The following LGSN variants were observed in gnomAD, a reference collection of about 807,000 sequenced individuals.
LGSN encodes lengsin, lens protein with glutamine synthetase domain, also known as lengsin.
A neutral mutation model predicts 19.5 loss-of-function variants in LGSN; 21 were observed. That is an observed-to-expected ratio of 1.07 (90% CI 0.76 to 1.55). The LOEUF (loss-of-function observed/expected upper bound fraction) is 1.55, where lower values mean the gene tolerates loss of function less well. Among genes scored for constraint, LGSN ranks in the 40% most tolerant of loss-of-function variants. The probability of loss-of-function intolerance (pLI) is 0.00; values close to 1 mark genes in which losing one functional copy is unlikely to be tolerated. For synonymous variants in LGSN, 257 were observed against 215.6 expected (o/e 1.19, Z -1.68); for missense variants, 673 against 608.5 (o/e 1.11, Z -1.12).
the LGSN span, among the ~76,000 whole-genome samples, chr6:63,339,271 T>C: frequency 1.3e-5 from 2 of 152,226 alleles, no homozygotes; most frequent in Non-Finnish European, 2.9e-5. Flanking sequence ...GAAAATGGGA[T>C]ATTGAAGTTC....
At chr6:63,534,781 C>CTAAAGAATTTCTTTAGTAAAGAATTTCA in the LGSN span, among the ~76,000 whole-genome samples, 58,264 of 137,482 alleles carry the variant, frequency 0.42, 13,464 homozygotes, top group Admixed American at 0.47. Context: ...AATTTCTTTA[C>CTAAAGAATTTCTTTAGTAAAGAATTTCA]TAAAGAATTT....
the LGSN span, among the ~76,000 whole-genome samples, chr6:63,466,853 G>A: frequency 6.6e-6 from 1 of 152,172 alleles, no homozygotes; most frequent in Non-Finnish European, 1.5e-5. Flanking sequence ...GACATCCAAT[G>A]AGGATATTGA....
chr6:63,366,821 C>T, the LGSN span, among the ~76,000 whole-genome samples: 23 of 151,604 alleles, frequency 1.5e-4, no homozygotes, highest in South Asian at 4.2e-4. Flanking sequence ...ACAAACCTGA[C>T]GAAAACAAGC....
At chr6:63,307,384 C>T (rs1449171213) in intron 1 of LGSN, among the ~76,000 whole-genome samples, 2 of 152,226 alleles carry the variant, frequency 1.3e-5, no homozygotes, top group Non-Finnish European at 2.9e-5. Flanking sequence ...TGAACACTGT[C>T]ACCAGGATAT....
chr6:63,423,121 A>G, the LGSN span, among the ~76,000 whole-genome samples: 1 of 152,174 alleles, frequency 6.6e-6, no homozygotes, highest in East Asian at 1.9e-4. Flanking sequence ...TCAAGATGGG[A>G]GGATTACTTG....
chr6:63,547,754 A>AC, the LGSN span, among the ~76,000 whole-genome samples: 28 of 144,944 alleles, frequency 1.9e-4, no homozygotes, highest in East Asian at 2.0e-4. Context: ...CTCATGATCC[A>AC]CCCCCCTCGG....
chr6:63,440,596 C>T, the LGSN span, among the ~76,000 whole-genome samples: 1 of 152,140 alleles, frequency 6.6e-6, no homozygotes, highest in Non-Finnish European at 1.5e-5. Context: ...TTTCTCCTTT[C>T]CCTAGATATC....
At chr6:63,350,673 G>A in the LGSN span, among the ~76,000 whole-genome samples, 1 of 152,084 alleles carries the variant, frequency 6.6e-6, no homozygotes, top group Admixed American at 6.5e-5. Flanking sequence ...CCAACATGGT[G>A]AAACGCTCTC....
chr6:63,452,837 C>G, the LGSN span, among the ~76,000 whole-genome samples: 1 of 151,808 alleles, frequency 6.6e-6, no homozygotes, highest in Non-Finnish European at 1.5e-5. Flanking sequence ...CCTACTTTAG[C>G]CTTAATTTGC....
chr6:63,483,021 T>G, the LGSN span, among the ~76,000 whole-genome samples: 1 of 152,174 alleles, frequency 6.6e-6, no homozygotes, highest in Non-Finnish European at 1.5e-5. Flanking sequence ...ACAAATAATC[T>G]TTGACCACTT....
rs1228011198 is a variant in LGSN at position 63,280,287 on chromosome 6, C to A, written c.1264G>T (p.Ala422Ser). The A allele has an allele frequency of 4.3e-6, 7 of 1,614,216 alleles. No homozygotes were observed. The highest frequency in any genetic ancestry group is 5.9e-6 in the Non-Finnish European group (7 of 1,180,034). ...CCATCTAAGCCGGCAGCAACAGTTG[C>A]AGCCAGCACCAAGTAAGGGTTTGCT... ...ATANPYLVLA[A>S]TVAAGLDGLH... is the part of the protein sequence containing the mutation. The change falls in exon 4 of 4, where the codon GCA becomes TCA. Residue 422 changes from alanine (A) to serine (S), a missense_variant. By Grantham distance (99) the Ala-to-Ser change is moderately conservative. Coordinates refer to ENST00000370657, the MANE Select transcript of LGSN (RefSeq NM_016571.3).
the LGSN span, among the ~76,000 whole-genome samples, chr6:63,538,584 T>G: frequency 6.6e-6 from 1 of 152,184 alleles, no homozygotes; most frequent in Non-Finnish European, 1.5e-5. Context: ...GCATATAAAA[T>G]AGTGCAAATA....
At chr6:63,374,481 A>T in the LGSN span, among the ~76,000 whole-genome samples, 1 of 152,208 alleles carries the variant, frequency 6.6e-6, no homozygotes, top group Admixed American at 6.5e-5. Context: ...GATGCATCTC[A>T]ATTCCCAAGA....
At chr6:63,302,938 C>G (rs1768244442) in intron 1 of LGSN, among the ~76,000 whole-genome samples, 1 of 151,916 alleles carries the variant, frequency 6.6e-6, no homozygotes, top group African/African-American at 2.4e-5. Flanking sequence ...TCCAGCCTGG[C>G]CAATATAGTG....
the LGSN span, among the ~76,000 whole-genome samples, chr6:63,387,704 ATT>A: frequency 1.4e-5 from 2 of 146,576 alleles, no homozygotes; most frequent in African/African-American, 2.5e-5. Context: ...TTGATCAATA[ATT>A]TTTTTTTTTT....
rs1032737060 is a variant in LGSN, at chr6:63,276,547, A to T, written c.*3474T>A. On this transcript the variant is annotated 3_prime_UTR_variant, in exon 4 of 4. Coordinates refer to ENST00000370657, the MANE Select transcript of LGSN (RefSeq NM_016571.3). ...TATAGTAAATGAAAATAAGAAAGCA[A>T]TTTTTGTAAAGCTATTTATAAGGCA... is the stretch of plus-strand genomic sequence containing the variant. The T allele has an allele frequency of 2.0e-5, 3 of 152,322 alleles. No homozygotes were observed. Among genetic ancestry groups the T allele is most frequent in the South Asian group, 2.1e-4 (1 of 4,828 alleles). The allele number at this position is 152,322 out of a possible 1,614,324, so 9.4% of individuals were successfully genotyped here.
the LGSN span, among the ~76,000 whole-genome samples, chr6:63,384,216 C>T: frequency 3.1e-4 from 47 of 152,280 alleles, no homozygotes; most frequent in Non-Finnish European, 4.6e-4. Flanking sequence ...CTTCCTGCCA[C>T]GAGAACCAAG....
chr6:63,336,657 G>A, the LGSN span, among the ~76,000 whole-genome samples: 2 of 148,606 alleles, frequency 1.3e-5, no homozygotes, highest in South Asian at 2.1e-4. Context: ...ATGGACTCTC[G>A]TTCTGTCACC....
At chr6:63,394,025 T>G in the LGSN span, among the ~76,000 whole-genome samples, 1 of 152,178 alleles carries the variant, frequency 6.6e-6, no homozygotes, top group South Asian at 2.1e-4. Context: ...CCCAGCACTT[T>G]GGGAGGCCGA....
Sources: gnomAD v4.1 joint callset for allele counts (sites outside exome capture counted in the v4.1 genomes callset) on GRCh38, gnomAD v4.1.1 for gene constraint, MANE v1.5 for transcripts, NCBI Gene and HGNC (gene_info 2026-07-23, HGNC 2026-07-21) for gene names.